Variants in SEPTIN14 observed in about 807,000 individuals in gnomAD.
SEPTIN14 encodes the protein septin-14.
Under a neutral mutation model 53.6 loss-of-function variants are expected in SEPTIN14, and 40 were observed. That is an observed-to-expected ratio of 0.75 (90% CI 0.58 to 0.97). The LOEUF (loss-of-function observed/expected upper bound fraction) is 0.97, where lower values mean the gene tolerates loss of function less well. Ranked by LOEUF, SEPTIN14 falls within the 50% of genes least tolerant of loss-of-function variation. The pLI is 0.00. For synonymous variants in SEPTIN14, 138 were observed against 166.8 expected (o/e 0.83, Z 1.33); for missense variants, 471 against 508.2 (o/e 0.93, Z 0.70).
intron 3 of SEPTIN14, 132 bp downstream of exon 3, chr7:55,846,385 C>T (rs1789410191): frequency 1.5e-6 from 1 of 653,952 alleles, no homozygotes; most frequent in Admixed American, 3.0e-5. Context: ...CATAATATGG[C>T]TAAGATGAGA....
At chr7:55,811,503 T>C (rs1788705470) in intron 7 of SEPTIN14, 1 of 322,428 alleles carries the variant, frequency 3.1e-6, no homozygotes, top group Admixed American at 4.0e-5. Flanking sequence ...GTTCTTTTTT[T>C]TTTTTTTTTT....
chr7:55,811,255 GTTTATCCACC>G, intron 7 of SEPTIN14: 1 of 524,112 alleles, frequency 1.9e-6, no homozygotes, highest in South Asian at 1.5e-5. Flanking sequence ...ATGTTGTAGA[GTTTATCCACC>G]TCCTTGAAGA....
intron 5 of SEPTIN14, among the ~76,000 whole-genome samples, chr7:55,840,886 T>C: frequency 7.0e-6 from 1 of 143,812 alleles, no homozygotes; most frequent in East Asian, 2.0e-4. Context: ...CTTTTTGTTG[T>C]TGTTATTATT....
intron 2 of SEPTIN14, among the ~76,000 whole-genome samples, chr7:55,860,204 G>A (rs1304650094): frequency 1.3e-5 from 2 of 151,884 alleles, no homozygotes; most frequent in Non-Finnish European, 2.9e-5. Context: ...ATACAATTTG[G>A]CCACACAAAA....
chr7:55,828,136 A>G (rs570628791), intron 6 of SEPTIN14, among the ~76,000 whole-genome samples: 1 of 152,256 alleles, frequency 6.6e-6, no homozygotes, highest in East Asian at 1.9e-4. Flanking sequence ...AATTCAAAAT[A>G]TGGATTATAA....
chr7:55,820,506 G>GA (rs1366666866), intron 6 of SEPTIN14, among the ~76,000 whole-genome samples: 1 of 152,234 alleles, frequency 6.6e-6, no homozygotes, highest in Non-Finnish European at 1.5e-5. Context: ...TTACACCTCA[G>GA]AAAAAAAGCC....
chr7:55,819,985 G>A (rs538089237), intron 6 of SEPTIN14, among the ~76,000 whole-genome samples: 18 of 152,210 alleles, frequency 1.2e-4, no homozygotes, highest in African/African-American at 4.1e-4. Flanking sequence ...AAGCAATACT[G>A]TATATGTCTC....
At chr7:55,856,206 C>T (rs1269410937) in intron 2 of SEPTIN14, among the ~76,000 whole-genome samples, 2 of 151,968 alleles carry the variant, frequency 1.3e-5, no homozygotes, top group Admixed American at 6.6e-5. Flanking sequence ...TGGCATGAGT[C>T]TCATACTCAT....
chr7:55,800,051 TATA>T (rs968432685), intron 9 of SEPTIN14, among the ~76,000 whole-genome samples: 27 of 152,352 alleles, frequency 1.8e-4, no homozygotes, highest in African/African-American at 5.5e-4. Context: ...ATCATAATAG[TATA>T]ATATTAGAAA....
Position 55,810,763 on chromosome 7 carries a change from T to C in SEPTIN14, c.818-3505A>G, listed in dbSNP as rs149330395. ...AAAGTGCTGGGATTACAGGTGTGAG[T>C]CACTGCACCCTGCCAGCTTTTGTTA... On this transcript the variant is annotated intron_variant, in intron 7 of 9. Transcript: ENST00000388975. The C allele has an allele frequency of 2.2e-3, 417 of 189,658 alleles. 1 individual carries two copies. The highest frequency in any genetic ancestry group is 3.9e-3 in the Admixed American group (66 of 16,984). 11.7% of individuals were successfully genotyped at this position (189,658 alleles called of 1,614,324 possible). A position where few individuals can be genotyped will look rare whatever the true frequency, so the allele number is the denominator to read the frequency against.
chr7:55,848,085 G>C (rs4629814), intron 2 of SEPTIN14, among the ~76,000 whole-genome samples: 11,968 of 152,118 alleles, frequency 0.079, 1,149 homozygotes, highest in African/African-American at 0.23. Flanking sequence ...TGAGAATAAA[G>C]GAATTATAAA....
In SEPTIN14 at chr7:55,838,059, C is replaced by T. The variant is rs577722611; in HGVS notation, c.559-3473G>A. 2.2e-4 allele frequency among the ~76,000 whole-genome samples: 33 copies of T among 152,258 alleles called. No homozygotes were observed. In the South Asian group the frequency reaches 2.5e-3, roughly 11 times the overall value. ...AAATCTGAGCTTCATAAACATTCAA[C>T]GGACTGATTTTCTGTACAATAAAAC... is the stretch of plus-strand genomic sequence containing the variant. On this transcript the variant is annotated intron_variant, in intron 5 of 9. Transcript: ENST00000388975.
chr7:55,837,234 G>C (rs1462227631), intron 5 of SEPTIN14, among the ~76,000 whole-genome samples: 1 of 151,612 alleles, frequency 6.6e-6, no homozygotes, highest in East Asian at 1.9e-4. Flanking sequence ...TCCCACCTCA[G>C]CCTCCTGAGT....
At chr7:55,843,601 A>G (rs561725993) in intron 4 of SEPTIN14, among the ~76,000 whole-genome samples, 1 of 152,344 alleles carries the variant, frequency 6.6e-6, no homozygotes, top group African/African-American at 2.4e-5. Context: ...TGGGAGGCCA[A>G]GGTGGGTGGA....
rs1397260295 is a variant in SEPTIN14, at chr7:55,807,314, G to T, written c.818-56C>A. Reference sequence around the variant, plus strand: ...ATTCAGTATCAATCCCTGACAATCAGTAAGTGTTCATGAATGAATACATGA... The same window carrying T: ...ATTCAGTATCAATCCCTGACAATCATTAAGTGTTCATGAATGAATACATGA... On this transcript the variant is annotated intron_variant, in intron 7 of 9. Coordinates refer to ENST00000388975, the MANE Select transcript of SEPTIN14 (RefSeq NM_207366.3). The T allele has an allele frequency of 8.6e-6, 10 of 1,166,780 alleles. No individual in the cohort carries two copies. The African/African-American group carries it at 9.3e-5, about 11-fold the overall frequency. The allele number at this position is 1,166,780 out of a possible 1,614,324, so 72.3% of individuals were successfully genotyped here.
At chr7:55,830,844 A>G (rs1434320578) in intron 6 of SEPTIN14, among the ~76,000 whole-genome samples, 3 of 152,178 alleles carry the variant, frequency 2.0e-5, no homozygotes, top group African/African-American at 7.2e-5. Context: ...TTTCAAACAA[A>G]TAAAAACAAG....
intron 5 of SEPTIN14, among the ~76,000 whole-genome samples, chr7:55,838,524 C>T (rs1263323810): frequency 1.0e-5 from 1 of 97,830 alleles, no homozygotes; most frequent in Admixed American, 1.4e-4. Context: ...CTCCCTCCCT[C>T]CCCCCTCCCT....
rs1387799411 is a variant in SEPTIN14 at position 55,846,764 on chromosome 7, G to A, written c.55-127C>T. 5.4e-6 allele frequency: 3 copies of A among 554,038 alleles called. No individual in the cohort carries two copies. In the African/African-American group the frequency reaches 5.8e-5, roughly 11 times the overall value. The allele number at this position is 554,038 out of a possible 1,614,324, so 34.3% of individuals were successfully genotyped here. Reference sequence around the variant, plus strand: ...CATTTGCTTATCATACCTCAGACAAGATGCAAATATATTAAGTAAATTTGT... The same window carrying A: ...CATTTGCTTATCATACCTCAGACAAAATGCAAATATATTAAGTAAATTTGT... On this transcript the variant is annotated intron_variant, in intron 2 of 9. Transcript: ENST00000388975.
chr7:55,819,538 G>A (rs534039189), intron 6 of SEPTIN14, among the ~76,000 whole-genome samples: 63 of 152,112 alleles, frequency 4.1e-4, no homozygotes, highest in African/African-American at 1.4e-3. Context: ...GCAGTGAGCC[G>A]AGATCATACC....
Sources: gnomAD v4.1 joint callset for allele counts (sites outside exome capture counted in the v4.1 genomes callset) on GRCh38, gnomAD v4.1.1 for gene constraint, MANE v1.5 for transcripts, NCBI Gene and HGNC (gene_info 2026-07-23, HGNC 2026-07-21) for gene names.